The following DNAH12 variants were observed in gnomAD, a reference collection of about 807,000 sequenced individuals.
The protein encoded by DNAH12 is dynein axonemal heavy chain 12, also known as axonemal beta dynein heavy chain 12.
DNAH12 carries 285 observed loss-of-function variants against 371.5 expected under a neutral mutation model. The ratio of observed to expected loss-of-function variants is 0.77; its 90% CI spans 0.70 to 0.85. DNAH12 has a LOEUF of 0.85. DNAH12 is among the 40% of genes least tolerant of loss of function. DNAH12 has a pLI of 0.00. For missense variants in DNAH12, 3,611 were observed against 3,689.4 expected, an observed-to-expected ratio of 0.98 and a Z score of 0.55; for synonymous variants, 1,200 against 1,213.0, an observed-to-expected ratio of 0.99 and a Z score of 0.22.
At chr3:57,338,097 CCCTGCCTCGGGCTCCCGTGATTCT>C (rs1179643521) in intron 60 of DNAH12, among the ~76,000 whole-genome samples, 1 of 152,218 alleles carries the variant, frequency 6.6e-6, no homozygotes, top group Non-Finnish European at 1.5e-5. Flanking sequence ...GCTGCAACCT[CCCTGCCTCGGGCTCCCGTGATTCT>C]CCTGCCTCGG....
At position 57,453,044 on chromosome 3, in the gene DNAH12, A is replaced by G. The variant is rs527806192; in HGVS notation, c.3614-29T>C. 2.7e-5 allele frequency: 41 copies of G among 1,520,040 alleles called. No homozygotes were observed. The Admixed American group carries it at 8.6e-4, about 32-fold the overall frequency. The allele number at this position is 1,520,040 out of a possible 1,614,324, so 94.2% of individuals were successfully genotyped here. On this transcript the variant is annotated intron_variant, in intron 24 of 73. Transcript: ENST00000495027. ...GAAAAAATAAAGTAAAATAAGACAC[A>G]TGATCCTTAAATGGAAATAATTTTA...
At chr3:57,445,510 G>C in intron 27 of DNAH12, 91 bp from the exon 28 acceptor site, 1 of 1,139,498 alleles carries the variant, frequency 8.8e-7, no homozygotes, top group Non-Finnish European at 1.1e-6. Flanking sequence ...GTGTTGTCAA[G>C]TTTATTCTCC....
intron 60 of DNAH12, among the ~76,000 whole-genome samples, chr3:57,351,137 TGCAC>T (rs1223466014): frequency 6.6e-6 from 1 of 151,810 alleles, no homozygotes; most frequent in Non-Finnish European, 1.5e-5. Flanking sequence ...GGCATGGTGG[TGCAC>T]GCCTGTAGTC....
chr3:57,507,444 T>C (rs1051348659), intron 8 of DNAH12, among the ~76,000 whole-genome samples, 199 bp downstream of exon 8: 2 of 152,198 alleles, frequency 1.3e-5, no homozygotes, highest in Non-Finnish European at 2.9e-5. Flanking sequence ...ATAATACTAA[T>C]ATATACTTCT....
intron 13 of DNAH12, among the ~76,000 whole-genome samples, chr3:57,481,994 T>C (rs539199571): frequency 6.6e-6 from 1 of 152,080 alleles, no homozygotes; most frequent in African/African-American, 2.4e-5. Flanking sequence ...GCAATACCAT[T>C]CAGGACATAG....
At chr3:57,352,903 A>T (rs993941840) in intron 59 of DNAH12, among the ~76,000 whole-genome samples, 2 of 152,068 alleles carry the variant, frequency 1.3e-5, no homozygotes, top group Admixed American at 6.6e-5. Flanking sequence ...AGCCTGGTCA[A>T]CATGGTGAAA....
chr3:57,543,447 C>G (rs752377839), intron 1 of DNAH12, among the ~76,000 whole-genome samples: 2 of 149,412 alleles, frequency 1.3e-5, no homozygotes, highest in East Asian at 2.0e-4. Context: ...TTCAGCCTCC[C>G]GAGTAGCTAG....
At chr3:57,296,784 A>G (rs1352016753) in intron 71 of DNAH12, 63 bp downstream of exon 71, 1 of 1,509,978 alleles carries the variant, frequency 6.6e-7, no homozygotes, top group Admixed American at 2.2e-5. Flanking sequence ...ACAATACATA[A>G]ACTCGGTTTA....
chr3:57,337,078 C>T (rs1341456262), intron 60 of DNAH12, among the ~76,000 whole-genome samples: 1 of 151,986 alleles, frequency 6.6e-6, no homozygotes, highest in Admixed American at 6.6e-5. Context: ...CCAATGAAAA[C>T]TAAAAGGAAG....
intron 26 of DNAH12, 45 bp from the exon 27 acceptor site, chr3:57,446,315 A>G (rs2065494002): frequency 6.6e-6 from 10 of 1,522,528 alleles, no homozygotes; most frequent in Non-Finnish European, 7.1e-6. Flanking sequence ...TCAGGAAAGG[A>G]TATCATCTCT....
chr3:57,296,318 A>C lies in DNAH12; in HGVS notation c.11624+26T>G, dbSNP rs545320277. 55 of 1,495,140 alleles carry C rather than the reference A, an allele frequency of 3.7e-5. No individual in the cohort carries two copies. In the South Asian group the frequency reaches 4.0e-4, roughly 11 times the overall value. 92.6% of individuals were successfully genotyped at this position (1,495,140 alleles called of 1,614,324 possible). The stretch of plus-strand genomic sequence containing the variant: ...ATCTATGATTCAGCTACAAATGAAG[A>C]GGTCCTGGCAGCTGAATCCACTGAC... On this transcript the variant is annotated intron_variant, in intron 72 of 73. Transcript: ENST00000495027.
intron 27 of DNAH12, 52 bp downstream of exon 27, chr3:57,445,979 C>G: frequency 6.9e-7 from 1 of 1,451,594 alleles, no homozygotes; most frequent in Admixed American, 2.5e-5. Flanking sequence ...TAGAGTAAGA[C>G]TGTTTCAAAA....
At chr3:57,352,598 T>A (rs2062704996) in intron 59 of DNAH12, among the ~76,000 whole-genome samples, 1 of 151,932 alleles carries the variant, frequency 6.6e-6, no homozygotes, top group South Asian at 2.1e-4. Context: ...CATCTCTCTA[T>A]TTTCCAAATC....
At chr3:57,474,227 A>G (rs1457369041) in intron 13 of DNAH12, among the ~76,000 whole-genome samples, 1 of 152,252 alleles carries the variant, frequency 6.6e-6, no homozygotes. Context: ...ATATGAAGAC[A>G]TTCCAAAATA....
At chr3:57,453,077 G>T (rs1371069132) in intron 24 of DNAH12, 62 bp from the exon 25 acceptor site, 40 of 1,482,844 alleles carry the variant, frequency 2.7e-5, no homozygotes, top group African/African-American at 4.3e-5. Context: ...TTAAAAAGAA[G>T]TATTTTATCT....
At position 57,403,152 on chromosome 3, in the gene DNAH12, G is replaced by A. The variant is rs184644470; in HGVS notation, c.6948+157C>T. On this transcript the variant is annotated intron_variant, in intron 43 of 73. Transcript: ENST00000495027. ...GGTAAAAGCTAGGTAAAGCACTCAG[G>A]ACAGAACTCAACACACACAGTAGAT... 1.8e-3 allele frequency among the ~76,000 whole-genome samples: 274 copies of A among 152,220 alleles called. 5 individuals are homozygous for A. Among genetic ancestry groups the A allele is most frequent in the Middle Eastern group, 6.8e-3 (2 of 292 alleles).
chr3:57,372,054 G>A (rs1351144829), intron 55 of DNAH12, among the ~76,000 whole-genome samples: 2 of 150,776 alleles, frequency 1.3e-5, no homozygotes, highest in African/African-American at 2.4e-5. Context: ...ACAAGATCTA[G>A]CATTTGATAG....
In DNAH12 at chr3:57,457,921, T is replaced by G; in HGVS notation, c.3136A>C (p.Lys1046Gln). 1 of 1,551,686 alleles carries G rather than the reference T, an allele frequency of 6.4e-7. No homozygotes were observed. The highest frequency in any genetic ancestry group is 1.7e-4 in the Middle Eastern group (1 of 5,992). Residue 1046 changes from lysine to glutamine, a missense_variant, in exon 22 of 74, where the codon AAA becomes CAA. By Grantham distance (53) the Lys-to-Gln change is moderately conservative (BLOSUM62 1). Around this residue, in one of 3 missense-constraint regions of DNAH12, gnomAD observed 1,314 missense variants for 1,398.7 expected, o/e 0.94. Coordinates refer to ENST00000495027, the MANE Select transcript of DNAH12 (RefSeq NM_001366028.2). ...DPLRVQPHLK[K>Q]CFEGIAKLEF... ...AATTTAGCAATGCCCTCAAAGCATTTTTTTAAATGTGGCTGAACTCTAAGT... is the reference window on the plus strand; with the variant it reads ...AATTTAGCAATGCCCTCAAAGCATTGTTTTAAATGTGGCTGAACTCTAAGT...
intron 25 of DNAH12, among the ~76,000 whole-genome samples, chr3:57,451,337 A>T (rs1037843795): frequency 6.6e-6 from 1 of 152,196 alleles, no homozygotes; most frequent in African/African-American, 2.4e-5. Context: ...GTTAAATTTT[A>T]TTTCAGATAA....
Sources: gnomAD v4.1 joint callset for allele counts (sites outside exome capture counted in the v4.1 genomes callset) on GRCh38, gnomAD v4.1.1 for gene constraint, gnomAD v4.1.1 regional missense constraint, MANE v1.5 for transcripts, NCBI Gene and HGNC (gene_info 2026-07-23, HGNC 2026-07-21) for gene names.